The following HOOK3 variants were observed in gnomAD, a reference collection of about 807,000 sequenced individuals.
HOOK3 encodes the protein hook microtubule tethering protein 3, also known as protein Hook homolog 3.
A neutral mutation model predicts 116.3 loss-of-function variants in HOOK3; 24 were observed. The ratio of observed to expected loss-of-function variants is 0.21; its 90% CI spans 0.15 to 0.29. HOOK3 has a LOEUF of 0.29. HOOK3 is among the 10% of genes least tolerant of loss of function. HOOK3 has a pLI of 1.00. For synonymous variants in HOOK3, 275 were observed against 283.0 expected (o/e 0.97, Z 0.28); for missense variants, 632 against 830.2 (o/e 0.76, Z 2.93).
In HOOK3 at chr8:43,007,878, C is replaced by A; in HGVS notation, c.1687C>A (p.Gln563Lys). Residue 563 changes from glutamine (Q) to lysine (K), a missense_variant, in exon 18 of 22, where the codon CAG becomes AAG. Physicochemically the swap from Gln to Lys is moderately conservative, Grantham distance 53. Transcript: ENST00000307602. ...EKLHEANNELQKKRAIIEDLE... is the reference protein window; with the variant it reads ...EKLHEANNELKKKRAIIEDLE... ...GCTGCATGAGGCCAATAATGAACTA[C>A]AGAAGAAGAGAGCCATTATTGAAGA... 1 of 1,601,046 alleles carries A rather than the reference C, an allele frequency of 6.2e-7. No homozygotes were observed. The highest frequency in any genetic ancestry group is 8.5e-7 in the Non-Finnish European group (1 of 1,171,554).
chr8:42,916,302 T>G (rs1325331564), intron 2 of HOOK3, among the ~76,000 whole-genome samples: 1 of 152,214 alleles, frequency 6.6e-6, no homozygotes, highest in East Asian at 1.9e-4. Context: ...CTAATTTATC[T>G]TTTTTTGGCT....
intron 2 of HOOK3, among the ~76,000 whole-genome samples, chr8:42,920,529 G>T (rs935923141): frequency 2.6e-5 from 4 of 152,178 alleles, no homozygotes; most frequent in Admixed American, 6.5e-5. Context: ...CAGCCACGGG[G>T]GATTGGGAAG....
chr8:43,016,458 A>T (rs1032842073), intron 21 of HOOK3, among the ~76,000 whole-genome samples: 4 of 152,190 alleles, frequency 2.6e-5, no homozygotes, highest in African/African-American at 9.6e-5. Flanking sequence ...AGAGTGAAGG[A>T]ATAACTCCAA....
intron 3 of HOOK3, 49 bp downstream of exon 3, chr8:42,925,678 A>G (rs766702540): frequency 6.0e-5 from 76 of 1,268,194 alleles, no homozygotes; most frequent in Admixed American, 1.5e-4. Flanking sequence ...GTATGTGTAT[A>G]ATATCTGTTG....
intron 19 of HOOK3, among the ~76,000 whole-genome samples, chr8:43,010,830 T>A (rs1296539729): frequency 1.3e-5 from 2 of 152,080 alleles, no homozygotes; most frequent in Non-Finnish European, 2.9e-5. Flanking sequence ...CAGGAAACCA[T>A]CAGGTAAATT....
intron 12 of HOOK3, among the ~76,000 whole-genome samples, chr8:42,973,633 A>G (rs1280099959): frequency 6.6e-6 from 1 of 152,180 alleles, no homozygotes; most frequent in African/African-American, 2.4e-5. Context: ...TATCTTTTCT[A>G]CCACTGTTGC....
chr8:43,028,411 CAT>C lies in HOOK3; in HGVS notation c.*9916_*9917del. 1 of 184,028 alleles carries C rather than the reference CAT, an allele frequency of 5.4e-6. No individual in the cohort carries two copies. The allele number at this position is 184,028 out of a possible 1,614,324, so 11.4% of individuals were successfully genotyped here. On this transcript the variant is annotated 3_prime_UTR_variant, in exon 22 of 22. Transcript: ENST00000307602. Reference sequence around the variant, plus strand: ...ATAGTTAACATTTATCAGGCAAATTCATATGAATGCTTATTTCAAATAAAGAT... The same window carrying C: ...ATAGTTAACATTTATCAGGCAAATTCATGAATGCTTATTTCAAATAAAGAT...
At chr8:42,983,192 T>C (rs753535637) in intron 14 of HOOK3, among the ~76,000 whole-genome samples, 8 of 151,604 alleles carry the variant, frequency 5.3e-5, no homozygotes, top group Non-Finnish European at 1.0e-4. Flanking sequence ...AAATTAGCCA[T>C]GTGTGGTGGC....
At chr8:43,002,186 CAT>C in intron 17 of HOOK3, 45 bp downstream of exon 17, 1 of 1,461,802 alleles carries the variant, frequency 6.8e-7, no homozygotes, top group Non-Finnish European at 9.6e-7. Context: ...TAGTGGAACA[CAT>C]GTGCTTTGTG....
At chr8:42,982,988 A>G (rs948930095) in intron 14 of HOOK3, among the ~76,000 whole-genome samples, 20 of 152,326 alleles carry the variant, frequency 1.3e-4, no homozygotes, top group South Asian at 2.1e-4. Context: ...TTTGGCCTGT[A>G]GACAATAGTT....
At chr8:42,973,074 T>C (rs1808755306) in intron 11 of HOOK3, among the ~76,000 whole-genome samples, 1 of 152,222 alleles carries the variant, frequency 6.6e-6, no homozygotes, top group African/African-American at 2.4e-5. Flanking sequence ...TCGTTTATGA[T>C]TTTGAACATT....
intron 15 of HOOK3, among the ~76,000 whole-genome samples, chr8:42,991,961 T>C (rs1809170551): frequency 6.6e-6 from 1 of 152,224 alleles, no homozygotes; most frequent in Admixed American, 6.5e-5. Flanking sequence ...GTGTCTTCAA[T>C]TTCTTGCATC....
At chr8:42,937,882 A>G (rs1427698024) in intron 4 of HOOK3, among the ~76,000 whole-genome samples, 1 of 152,118 alleles carries the variant, frequency 6.6e-6, no homozygotes, top group Non-Finnish European at 1.5e-5. Flanking sequence ...TGGGGTGGAG[A>G]GTTCTGTAGA....
intron 21 of HOOK3, among the ~76,000 whole-genome samples, chr8:43,015,949 C>A (rs1177438666): frequency 2.0e-5 from 3 of 150,610 alleles, no homozygotes; most frequent in African/African-American, 7.3e-5. Context: ...AATTCCTGAC[C>A]TCGTGATTCA....
rs377449851 is a variant in HOOK3 at position 43,005,984 on chromosome 8, C to T, written c.1656-1863C>T. Among the ~76,000 whole-genome samples the T allele has an allele frequency of 3.6e-4, 54 of 148,284 alleles. 1 individual carries two copies. The highest frequency in any genetic ancestry group is 2.4e-3 in the Admixed American group (35 of 14,866). Reference sequence around the variant, plus strand: ...TGCTGGGATTACAGGTGTGAGCCACCGCACCTGGTCTATTTATTTATTTAT... The same window carrying T: ...TGCTGGGATTACAGGTGTGAGCCACTGCACCTGGTCTATTTATTTATTTAT... On this transcript the variant is annotated intron_variant, in intron 17 of 21. Coordinates refer to ENST00000307602, the MANE Select transcript of HOOK3 (RefSeq NM_032410.4).
chr8:42,965,341 GTA>G (rs1333471886), intron 9 of HOOK3, among the ~76,000 whole-genome samples: 1 of 150,268 alleles, frequency 6.7e-6, no homozygotes, highest in Non-Finnish European at 1.5e-5. Flanking sequence ...GTGTGTGTGT[GTA>G]TGTGTGTGTT....
chr8:42,957,137 A>G lies in HOOK3; in HGVS notation c.512A>G (p.Tyr171Cys), dbSNP rs766894293. The G allele has an allele frequency of 5.0e-6, 8 of 1,591,684 alleles. No homozygotes were observed. The highest frequency in any genetic ancestry group is 2.3e-5 in the South Asian group (2 of 87,238). Residue 171 changes from tyrosine to cysteine, a missense_variant, in exon 7 of 22, where the codon TAT becomes TGT. Around this residue, in one of 3 missense-constraint regions of HOOK3, gnomAD observed 483 missense variants for 648.1 expected, o/e 0.75. Transcript: ENST00000307602. ...ESPVSAGNDA[Y>C]VDLDRQLKKT... ...CCTGTCTCTGCTGGAAATGATGCCTATGTTGACCTTGATCGTCAGGTATAT... is the reference window on the plus strand; with the variant it reads ...CCTGTCTCTGCTGGAAATGATGCCTGTGTTGACCTTGATCGTCAGGTATAT...
chr8:42,907,307 AT>A (rs1183755172), intron 2 of HOOK3, among the ~76,000 whole-genome samples: 1 of 152,186 alleles, frequency 6.6e-6, no homozygotes, highest in African/African-American at 2.4e-5. Context: ...AGATGCCAAC[AT>A]TTCAGATTAT....
At chr8:42,939,881 G>A (rs1011897001) in intron 4 of HOOK3, among the ~76,000 whole-genome samples, 1 of 150,692 alleles carries the variant, frequency 6.6e-6, no homozygotes, top group South Asian at 2.1e-4. Context: ...CATCTCAGAC[G>A]ATGGGCGGCC....
Sources: gnomAD v4.1 joint callset for allele counts (sites outside exome capture counted in the v4.1 genomes callset) on GRCh38, gnomAD v4.1.1 for gene constraint, gnomAD v4.1.1 regional missense constraint, MANE v1.5 for transcripts, NCBI Gene and HGNC (gene_info 2026-07-23, HGNC 2026-07-21) for gene names.